The following NANOS1 variants were observed in gnomAD, a reference collection of about 807,000 sequenced individuals.
The protein encoded by NANOS1 is nanos C2HC-type zinc finger 1.
In NANOS1, 1 loss-of-function variant was observed where a neutral mutation model predicts 1.1. The observed-to-expected ratio is 0.88, with a 90% CI of 0.31 to 4.20. The LOEUF is 4.20. NANOS1 is among the 30% of genes most tolerant of loss of function. The probability of loss-of-function intolerance (pLI) is 0.17; values close to 1 mark genes in which losing one functional copy is unlikely to be tolerated. For missense variants in NANOS1, 537 were observed against 457.9 expected (o/e 1.17, Z -1.58); for synonymous variants, 252 against 230.6 (o/e 1.09, Z -0.84).
In NANOS1 at chr10:119,032,165, C is replaced by T. The variant is rs565152486; in HGVS notation, c.*1485C>T. On this transcript the variant is annotated 3_prime_UTR_variant, in exon 1 of 1. Transcript: ENST00000425699. ...AGGCTCCCAGTAGGATTTAGCTAGG[C>T]TACTAGAAGTTAGACTGCTTTCGCA... 1.8e-5 allele frequency: 3 copies of T among 167,224 alleles called. No homozygotes were observed. In the East Asian group the frequency reaches 5.8e-4, roughly 32 times the overall value. The allele number at this position is 167,224 out of a possible 1,614,324, so 10.4% of individuals were successfully genotyped here.
Position 119,032,273 on chromosome 10 carries a change from C to T in NANOS1, c.*1593C>T, listed in dbSNP as rs200196231. ...GTGTGTTAGAGGATGGGGTAAATAC[C>T]CGATAGCTGTCTTTTTGGTGAAAGA... On this transcript the variant is annotated 3_prime_UTR_variant, in exon 1 of 1. Transcript: ENST00000425699. 1 of 74,574 alleles carries T rather than the reference C, an allele frequency of 1.3e-5. No homozygotes were observed. Among genetic ancestry groups the T allele is most frequent in the Non-Finnish European group, 4.1e-5 (1 of 24,446 alleles). 4.6% of individuals were successfully genotyped at this position (74,574 alleles called of 1,614,324 possible).
chr10:119,030,769 G>A lies in NANOS1; in HGVS notation c.*89G>A. On this transcript the variant is annotated 3_prime_UTR_variant, in exon 1 of 1. Coordinates refer to ENST00000425699, the MANE Select transcript of NANOS1 (RefSeq NM_199461.4). The surrounding 1 kb of genome is among the most constrained non-coding windows in gnomAD (Gnocchi z 5.3). ...TCTCGCCCCCGCCGTGGGGAGGCGT[G>A]CGGCTCAGCGGTCGGCTCGACATGG... 1 of 1,237,924 alleles carries A rather than the reference G, an allele frequency of 8.1e-7. No individual in the cohort carries two copies. Among genetic ancestry groups the A allele is most frequent in the Non-Finnish European group, 1.0e-6 (1 of 984,832 alleles). The allele number at this position is 1,237,924 out of a possible 1,614,324, so 76.7% of individuals were successfully genotyped here.
chr10:119,030,315 G>GCCGCCACCA lies in NANOS1; in HGVS notation c.517_525dup (p.Ala173_Thr175dup). Reference sequence around the variant, plus strand: ...GGGCTGCGCGCCCGCCGCCGCCGCCGCCGCCACCACCACCAGCGAGGCGAC... The same window carrying GCCGCCACCA: ...GGGCTGCGCGCCCGCCGCCGCCGCCGCCGCCACCACCGCCACCACCACCAGCGAGGCGAC... On this transcript the variant is annotated inframe_insertion, in exon 1 of 1. Transcript: ENST00000425699. The surrounding 1 kb of genome is among the most constrained non-coding windows in gnomAD (Gnocchi z 5.3). The GCCGCCACCA allele has an allele frequency of 1.8e-6, 2 of 1,134,026 alleles. No individual in the cohort carries two copies. Among genetic ancestry groups the GCCGCCACCA allele is most frequent in the East Asian group, 4.6e-5 (1 of 21,798 alleles). The allele number at this position is 1,134,026 out of a possible 1,614,324, so 70.2% of individuals were successfully genotyped here.
In NANOS1 at chr10:119,029,767, C is replaced by T. The variant is rs1848011270; in HGVS notation, c.-35C>T. ...GTCCCTTCCGTCCGGCCCGCGCCGGCGGCGGGGAGGCGGCGCGCGGCCCGC... is the reference window on the plus strand; with the variant it reads ...GTCCCTTCCGTCCGGCCCGCGCCGGTGGCGGGGAGGCGGCGCGCGGCCCGC... On this transcript the variant is annotated 5_prime_UTR_variant, in exon 1 of 1. Coordinates refer to ENST00000425699, the MANE Select transcript of NANOS1 (RefSeq NM_199461.4). 7 of 976,250 alleles carry T rather than the reference C, an allele frequency of 7.2e-6. No homozygotes were observed. The highest frequency in any genetic ancestry group is 5.3e-5 in the African/African-American group (3 of 56,248). The allele number at this position is 976,250 out of a possible 1,614,324, so 60.5% of individuals were successfully genotyped here.
Position 119,031,074 on chromosome 10 carries a change from G to A in NANOS1, c.*394G>A, listed in dbSNP as rs79664216. On this transcript the variant is annotated 3_prime_UTR_variant, in exon 1 of 1. Coordinates refer to ENST00000425699, the MANE Select transcript of NANOS1 (RefSeq NM_199461.4). ...GAATGGAGGCACTTTACTAGGTCTA[G>A]AATATTTTTTTAAAAGCCTCTGAAC... 1,256 of 191,908 alleles carry A rather than the reference G, an allele frequency of 6.5e-3. 22 individuals are homozygous for A. The highest frequency in any genetic ancestry group is 0.06 in the East Asian group (408 of 6,746). 11.9% of individuals were successfully genotyped at this position (191,908 alleles called of 1,614,324 possible). A position where few individuals can be genotyped will look rare whatever the true frequency, so the allele number is the denominator to read the frequency against.
Position 119,030,209 on chromosome 10 carries a change from G to C in NANOS1, c.408G>C (p.Ala136=), listed in dbSNP as rs1848023134. The change falls in exon 1 of 1, where the codon GCG becomes GCC. Residue 136 remains alanine, a synonymous_variant. Coordinates refer to ENST00000425699, the MANE Select transcript of NANOS1 (RefSeq NM_199461.4). The surrounding 1 kb of genome is among the most constrained non-coding windows in gnomAD (Gnocchi z 5.3). The part of the protein sequence containing the change: ...ALELRALELC[A]GPAEAGLLEE... ...AATTGCGCGCGCTGGAGCTGTGCGC[G>C]GGCCCCGCCGAGGCCGGGCTGCTGG... 1.5e-6 allele frequency: 2 copies of C among 1,294,130 alleles called. No homozygotes were observed. Among genetic ancestry groups the C allele is most frequent in the Non-Finnish European group, 1.9e-6 (2 of 1,025,910 alleles). The allele number at this position is 1,294,130 out of a possible 1,614,324, so 80.2% of individuals were successfully genotyped here.
At position 119,030,016 on chromosome 10, in the gene NANOS1, G is replaced by A; in HGVS notation, c.215G>A (p.Gly72Asp). 1 of 1,403,720 alleles carries A rather than the reference G, an allele frequency of 7.1e-7. No individual in the cohort carries two copies. The highest frequency in any genetic ancestry group is 9.3e-7 in the Non-Finnish European group (1 of 1,078,032). The allele number at this position is 1,403,720 out of a possible 1,614,324, so 87.0% of individuals were successfully genotyped here. A position where few individuals can be genotyped will look rare whatever the true frequency, so the allele number is the denominator to read the frequency against. ...RFGCARGGNG[G>D]GGSPPSSSSS... Reference sequence around the variant, plus strand: ...GGCTGCGCCCGCGGTGGGAACGGCGGCGGCGGCTCCCCGCCCTCCTCCTCC... The same window carrying A: ...GGCTGCGCCCGCGGTGGGAACGGCGACGGCGGCTCCCCGCCCTCCTCCTCC... Residue 72 changes from glycine to aspartate, a missense_variant, in exon 1 of 1, where the codon GGC (glycine) becomes GAC (aspartate). Coordinates refer to ENST00000425699, the MANE Select transcript of NANOS1 (RefSeq NM_199461.4). The surrounding 1 kb of genome is among the most constrained non-coding windows in gnomAD (Gnocchi z 5.3).
Position 119,030,190 on chromosome 10 carries a change from G to A in NANOS1, c.389G>A (p.Arg130His). The change falls in exon 1 of 1, where the codon CGC becomes CAC. Residue 130 changes from arginine to histidine, a missense_variant. Arg to His is a conservative substitution (Grantham distance 29, BLOSUM62 0). Transcript: ENST00000425699. This position sits in a 1 kb window ranked among gnomAD's most constrained non-coding sequence, Gnocchi z 5.3. ...TACCTGGGGAGCGCGCTGGAATTGC[G>A]CGCGCTGGAGCTGTGCGCGGGCCCC... ...GRYLGSALEL[R>H]ALELCAGPAE... 1 of 1,317,294 alleles carries A rather than the reference G, an allele frequency of 7.6e-7. No individual in the cohort carries two copies. Among genetic ancestry groups the A allele is most frequent in the Non-Finnish European group, 9.6e-7 (1 of 1,037,784 alleles). The allele number at this position is 1,317,294 out of a possible 1,614,324, so 81.6% of individuals were successfully genotyped here.
Position 119,030,731 on chromosome 10 carries a change from G to T in NANOS1, c.*51G>T. 6 of 1,263,260 alleles carry T rather than the reference G, an allele frequency of 4.7e-6. No individual in the cohort carries two copies. Among genetic ancestry groups the T allele is most frequent in the Non-Finnish European group, 6.0e-6 (6 of 1,002,786 alleles). The allele number at this position is 1,263,260 out of a possible 1,614,324, so 78.3% of individuals were successfully genotyped here. A position where few individuals can be genotyped will look rare whatever the true frequency, so the allele number is the denominator to read the frequency against. Reference sequence around the variant, plus strand: ...GTCGCCGCCGCCCCTCGCACCGCTAGGTCTGCGCACCATCTCGCCCCCGCC... The same window carrying T: ...GTCGCCGCCGCCCCTCGCACCGCTATGTCTGCGCACCATCTCGCCCCCGCC... On this transcript the variant is annotated 3_prime_UTR_variant, in exon 1 of 1. Transcript: ENST00000425699. The surrounding 1 kb of genome is among the most constrained non-coding windows in gnomAD (Gnocchi z 5.3).
In NANOS1 at chr10:119,031,798, G is replaced by C. The variant is rs569922577; in HGVS notation, c.*1118G>C. 1 of 167,180 alleles carries C rather than the reference G, an allele frequency of 6.0e-6. No homozygotes were observed. Among genetic ancestry groups the C allele is most frequent in the South Asian group, 2.1e-4 (1 of 4,826 alleles). The allele number at this position is 167,180 out of a possible 1,614,324, so 10.4% of individuals were successfully genotyped here. ...GTGGGCTGCGTCTGACTTTAATACA[G>C]GCAGTGCTCAAACTAGAATAAGCAC... On this transcript the variant is annotated 3_prime_UTR_variant, in exon 1 of 1. Coordinates refer to ENST00000425699, the MANE Select transcript of NANOS1 (RefSeq NM_199461.4).
At position 119,030,324 on chromosome 10, in the gene NANOS1, A is replaced by G. The variant is rs1440378631; in HGVS notation, c.523A>G (p.Thr175Ala). The change falls in exon 1 of 1, where the codon ACC becomes GCC. Residue 175 changes from threonine to alanine, a missense_variant. Physicochemically the swap from Thr to Ala is moderately conservative, Grantham distance 58. Coordinates refer to ENST00000425699, the MANE Select transcript of NANOS1 (RefSeq NM_199461.4). The surrounding 1 kb of genome is among the most constrained non-coding windows in gnomAD (Gnocchi z 5.3). ...GCCCGCCGCCGCCGCCGCCGCCACCACCACCAGCGAGGCGACGCCGCGCGA... is the reference window on the plus strand; with the variant it reads ...GCCCGCCGCCGCCGCCGCCGCCACCGCCACCAGCGAGGCGACGCCGCGCGA... Reference protein sequence around the residue: ...CAPAAAAAATTTSEATPREER... With the variant: ...CAPAAAAAATATSEATPREER... 2 of 1,128,390 alleles carry G rather than the reference A, an allele frequency of 1.8e-6. No homozygotes were observed. Among genetic ancestry groups the G allele is most frequent in the Non-Finnish European group, 2.2e-6 (2 of 925,096 alleles). 69.9% of individuals were successfully genotyped at this position (1,128,390 alleles called of 1,614,324 possible).
rs1045600107 is a variant in NANOS1, at chr10:119,029,949, G to A, written c.148G>A (p.Ala50Thr). 2.0e-5 allele frequency: 28 copies of A among 1,434,696 alleles called. No homozygotes were observed. Among genetic ancestry groups the A allele is most frequent in the Non-Finnish European group, 2.3e-5 (25 of 1,094,356 alleles). The allele number at this position is 1,434,696 out of a possible 1,614,324, so 88.9% of individuals were successfully genotyped here. ...CTCCTGGAACGACTACCTGGGGCTCGCCACGCTCATCACCAAAGCGGTGGA... is the reference window on the plus strand; with the variant it reads ...CTCCTGGAACGACTACCTGGGGCTCACCACGCTCATCACCAAAGCGGTGGA... The part of the protein sequence containing the change: ...FSSWNDYLGL[A>T]TLITKAVDGE... The change falls in exon 1 of 1, where the codon GCC becomes ACC. Residue 50 changes from alanine to threonine, a missense_variant. Physicochemically the swap from Ala to Thr is moderately conservative, Grantham distance 58. Transcript: ENST00000425699.
Position 119,030,941 on chromosome 10 carries a change from T to A in NANOS1, c.*261T>A. Reference sequence around the variant, plus strand: ...GGCGAAGGCTGGGTGTGTATTCCACTAACTGAAATATGGCAACTTAGAGGC... The same window carrying A: ...GGCGAAGGCTGGGTGTGTATTCCACAAACTGAAATATGGCAACTTAGAGGC... On this transcript the variant is annotated 3_prime_UTR_variant, in exon 1 of 1. Coordinates refer to ENST00000425699, the MANE Select transcript of NANOS1 (RefSeq NM_199461.4). This position sits in a 1 kb window ranked among gnomAD's most constrained non-coding sequence, Gnocchi z 5.3. 5.0e-6 allele frequency: 2 copies of A among 399,772 alleles called. No homozygotes were observed. Among genetic ancestry groups the A allele is most frequent in the Non-Finnish European group, 8.7e-6 (2 of 230,432 alleles). 24.8% of individuals were successfully genotyped at this position (399,772 alleles called of 1,614,324 possible). A position where few individuals can be genotyped will look rare whatever the true frequency, so the allele number is the denominator to read the frequency against.
chr10:119,030,643 G>A lies in NANOS1; in HGVS notation c.842G>A (p.Ser281Asn). The A allele has an allele frequency of 4.2e-6, 6 of 1,428,210 alleles. No individual in the cohort carries two copies. Among genetic ancestry groups the A allele is most frequent in the East Asian group, 2.9e-5 (1 of 33,936 alleles). 88.5% of individuals were successfully genotyped at this position (1,428,210 alleles called of 1,614,324 possible). ...PPPPARPPPRSARDGPPGKKL... is the reference protein window; with the variant it reads ...PPPPARPPPRNARDGPPGKKL... Reference sequence around the variant, plus strand: ...CCGCCCGCCCGCCCGCCGCCCCGCAGCGCCAGGGACGGCCCGCCTGGCAAG... The same window carrying A: ...CCGCCCGCCCGCCCGCCGCCCCGCAACGCCAGGGACGGCCCGCCTGGCAAG... Residue 281 changes from serine to asparagine, a missense_variant, in exon 1 of 1, where the codon AGC (serine) becomes AAC (asparagine). By Grantham distance (46) the Ser-to-Asn change is conservative. Transcript: ENST00000425699. This position sits in a 1 kb window ranked among gnomAD's most constrained non-coding sequence, Gnocchi z 5.3.
chr10:119,029,745 C>A lies in NANOS1; in HGVS notation c.-57C>A, dbSNP rs922852184. 1.1e-6 allele frequency: 1 copy of A among 938,884 alleles called. No homozygotes were observed. Among genetic ancestry groups the A allele is most frequent in the Non-Finnish European group, 1.3e-6 (1 of 790,278 alleles). 58.2% of individuals were successfully genotyped at this position (938,884 alleles called of 1,614,324 possible). A position where few individuals can be genotyped will look rare whatever the true frequency, so the allele number is the denominator to read the frequency against. Reference sequence around the variant, plus strand: ...GGCCGGCGGGCAGGCTCGGCGTGTCCCTTCCGTCCGGCCCGCGCCGGCGGC... The same window carrying A: ...GGCCGGCGGGCAGGCTCGGCGTGTCACTTCCGTCCGGCCCGCGCCGGCGGC... On this transcript the variant is annotated 5_prime_UTR_variant, in exon 1 of 1. Coordinates refer to ENST00000425699, the MANE Select transcript of NANOS1 (RefSeq NM_199461.4).
rs538539239 is a variant in NANOS1 at position 119,030,300 on chromosome 10, C to CCCGCCGCCG, written c.511_519dup (p.Ala171_Ala173dup). ...CGCCGCCGTGCTGCTGGGCTGCGCG[C>CCCGCCGCCG]CCGCCGCCGCCGCCGCCGCCACCAC... On this transcript the variant is annotated inframe_insertion, in exon 1 of 1. Transcript: ENST00000425699. The surrounding 1 kb of genome is among the most constrained non-coding windows in gnomAD (Gnocchi z 5.3). 2.6e-5 allele frequency: 30 copies of CCCGCCGCCG among 1,154,096 alleles called. No homozygotes were observed. In the African/African-American group the frequency reaches 2.8e-4, roughly 11 times the overall value. The allele number at this position is 1,154,096 out of a possible 1,614,324, so 71.5% of individuals were successfully genotyped here. A position where few individuals can be genotyped will look rare whatever the true frequency, so the allele number is the denominator to read the frequency against.
rs890311683 is a variant in NANOS1 at position 119,031,263 on chromosome 10, T to G, written c.*583T>G. On this transcript the variant is annotated 3_prime_UTR_variant, in exon 1 of 1. Transcript: ENST00000425699. ...TATGAGAAGTGAAGGTTTTGTAAAC[T>G]TTCCAGTATTAATTTGGGCGGGTAT... The G allele has an allele frequency of 3.6e-5, 6 of 167,124 alleles. No individual in the cohort carries two copies. Among genetic ancestry groups the G allele is most frequent in the African/African-American group, 1.4e-4 (6 of 41,458 alleles). 10.4% of individuals were successfully genotyped at this position (167,124 alleles called of 1,614,324 possible).
Position 119,030,460 on chromosome 10 carries a change from A to G in NANOS1, c.659A>G (p.Asn220Ser), listed in dbSNP as rs1447361035. The G allele has an allele frequency of 6.7e-7, 1 of 1,492,148 alleles. No homozygotes were observed. 92.4% of individuals were successfully genotyped at this position (1,492,148 alleles called of 1,614,324 possible). The change falls in exon 1 of 1, where the codon AAC becomes AGC. Residue 220 changes from asparagine to serine, a missense_variant. Coordinates refer to ENST00000425699, the MANE Select transcript of NANOS1 (RefSeq NM_199461.4). This position sits in a 1 kb window ranked among gnomAD's most constrained non-coding sequence, Gnocchi z 5.3. ...ELQVCVFCRN[N>S]KEAMALYTTH... Reference sequence around the variant, plus strand: ...CAGGTGTGCGTGTTCTGCCGGAACAACAAGGAGGCGATGGCGCTCTACACC... The same window carrying G: ...CAGGTGTGCGTGTTCTGCCGGAACAGCAAGGAGGCGATGGCGCTCTACACC...
In NANOS1 at chr10:119,031,706, CAAAT is replaced by C. The variant is rs1385811434; in HGVS notation, c.*1028_*1031del. 9 of 167,100 alleles carry C rather than the reference CAAAT, an allele frequency of 5.4e-5. No individual in the cohort carries two copies. Among genetic ancestry groups the C allele is most frequent in the Middle Eastern group, 3.4e-3 (1 of 296 alleles). The allele number at this position is 167,100 out of a possible 1,614,324, so 10.4% of individuals were successfully genotyped here. On this transcript the variant is annotated 3_prime_UTR_variant, in exon 1 of 1. Transcript: ENST00000425699. ...CCCATTCCAGCTGTTGCCTGTCAAACAAATAGAAGATGGATCTCTAGCTCTGAGC... is the reference window on the plus strand; with the variant it reads ...CCCATTCCAGCTGTTGCCTGTCAAACAGAAGATGGATCTCTAGCTCTGAGC...
Sources: gnomAD v4.1 joint callset for allele counts on GRCh38, gnomAD v4.1.1 for gene constraint, Gnocchi (gnomAD v3.1) non-coding constraint, MANE v1.5 for transcripts, NCBI Gene and HGNC (gene_info 2026-07-23, HGNC 2026-07-21) for gene names.